The following DMD variants were observed in gnomAD, a reference collection of about 807,000 sequenced individuals.
DMD encodes mutant dystrophin.
In DMD, 63 loss-of-function variants were observed where a neutral mutation model predicts 330.1. The ratio of observed to expected loss-of-function variants is 0.19; its 90% confidence interval spans 0.16 to 0.24. DMD has a LOEUF of 0.24. Ranked by LOEUF, DMD falls within the 10% of genes least tolerant of loss-of-function variation. The pLI is 1.00. For synonymous variants in DMD, 1,223 were observed against 959.8 expected, an observed-to-expected ratio of 1.27 and a Z score of -5.07; for missense variants, 3,344 against 2,684.1, an observed-to-expected ratio of 1.25 and a Z score of -5.43.
At chrX:32,498,118 T>C (rs973881246) in intron 19 of DMD, among the ~76,000 whole-genome samples, 2 of 111,360 alleles carry the variant, frequency 1.8e-5, no homozygotes, top group African/African-American at 3.3e-5. Context: ...ACTAGATACC[T>C]GGTCTAGCCT....
At chrX:31,564,241 T>C (rs975542442) in intron 55 of DMD, among the ~76,000 whole-genome samples, 7 of 111,901 alleles carry the variant, frequency 6.3e-5, no homozygotes, top group African/African-American at 1.9e-4. Flanking sequence ...GTCATCCAGT[T>C]TGTGGTATTT....
intron 1 of DMD, among the ~76,000 whole-genome samples, chrX:33,120,711 T>C (rs112866880): frequency 1.3e-4 from 14 of 108,768 alleles, no homozygotes; most frequent in Non-Finnish European, 2.3e-4. Flanking sequence ...CGAAACCCCG[T>C]CTCTACTAAA....
At chrX:33,074,716 C>A (rs948955174) in intron 1 of DMD, among the ~76,000 whole-genome samples, 1 of 111,302 alleles carries the variant, frequency 9.0e-6, no homozygotes, top group Non-Finnish European at 1.9e-5. Context: ...GCCATTGGGA[C>A]CCTGTAGAGA....
At chrX:32,929,073 T>C (rs2089348155) in intron 2 of DMD, among the ~76,000 whole-genome samples, 1 of 111,211 alleles carries the variant, frequency 9.0e-6, no homozygotes, top group Non-Finnish European at 1.9e-5. Flanking sequence ...ATTTCAGATA[T>C]AGGAGCCTGG....
intron 15 of DMD, among the ~76,000 whole-genome samples, chrX:32,570,294 C>G (rs1047579042): frequency 1.8e-5 from 2 of 111,922 alleles, no homozygotes; most frequent in Non-Finnish European, 3.8e-5. Flanking sequence ...TTCTTATTCA[C>G]TGCCTGAGTC....
At chrX:31,424,445 G>C (rs1486640226) in intron 60 of DMD, among the ~76,000 whole-genome samples, 1 of 111,559 alleles carries the variant, frequency 9.0e-6, no homozygotes, top group African/African-American at 3.2e-5. Flanking sequence ...ATGGAATGAA[G>C]GGCTCAGCTA....
At chrX:31,862,937 G>A (rs947173607) in intron 48 of DMD, among the ~76,000 whole-genome samples, 3 of 112,888 alleles carry the variant, frequency 2.7e-5, no homozygotes, top group African/African-American at 6.4e-5. Context: ...CAGCAGTTAC[G>A]TCAGGCCAGG....
chrX:31,322,402 GAATTA>G (rs1382625771), intron 62 of DMD, among the ~76,000 whole-genome samples: 2 of 111,579 alleles, frequency 1.8e-5, no homozygotes, highest in African/African-American at 3.3e-5. Flanking sequence ...AGTGACTAAT[GAATTA>G]AATATAACAA....
chrX:32,676,350 T>A (rs966799052), intron 9 of DMD, among the ~76,000 whole-genome samples: 10 of 111,192 alleles, frequency 9.0e-5, no homozygotes, highest in African/African-American at 3.3e-4. Flanking sequence ...TCTTTCCTGC[T>A]TCCCAATCTA....
At chrX:32,958,241 G>A (rs991707816) in intron 2 of DMD, among the ~76,000 whole-genome samples, 1 of 111,498 alleles carries the variant, frequency 9.0e-6, no homozygotes, top group Non-Finnish European at 1.9e-5. Flanking sequence ...ATAACAAAGT[G>A]TATTAAAAAT....
intron 50 of DMD, among the ~76,000 whole-genome samples, chrX:31,815,660 G>A (rs2092606754): frequency 9.0e-6 from 1 of 111,391 alleles, no homozygotes; most frequent in South Asian, 3.8e-4. Context: ...TATAAATACG[G>A]TGACAATAAA....
intron 7 of DMD, among the ~76,000 whole-genome samples, chrX:32,709,581 G>C (rs1348331216): frequency 9.0e-6 from 1 of 110,994 alleles, no homozygotes; most frequent in East Asian, 2.9e-4. Flanking sequence ...GTCTTGTTTT[G>C]TTTTTGCATC....
rs1386275507 is a variant in DMD, at chrX:31,900,653, C to G, written c.6913-25280G>C. ...GAAAAGACACCCGAAAATGTGGAAG[C>G]GACTTTGGAAGTGCGTAACATGCAG... On this transcript the variant is annotated intron_variant, in intron 47 of 78. Coordinates refer to ENST00000357033, the MANE Select transcript of DMD (RefSeq NM_004006.3). Among the ~76,000 whole-genome samples, 4 of 111,318 alleles carry G rather than the reference C, an allele frequency of 3.6e-5. No homozygotes were observed. The South Asian group carries it at 1.5e-3, about 42-fold the overall frequency.
intron 55 of DMD, among the ~76,000 whole-genome samples, chrX:31,604,489 G>A (rs1909254002): frequency 9.0e-6 from 1 of 111,675 alleles, no homozygotes; most frequent in Non-Finnish European, 1.9e-5. Flanking sequence ...CACATTTAAT[G>A]AGCAAGTCGA....
At chrX:31,924,527 T>C (rs753314944) in intron 47 of DMD, among the ~76,000 whole-genome samples, 6 of 112,306 alleles carry the variant, frequency 5.3e-5, no homozygotes, top group African/African-American at 3.2e-5. Flanking sequence ...CAGCCAACTG[T>C]ATATTGTGGA....
chrX:32,222,017 C>A (rs913523226), intron 43 of DMD, among the ~76,000 whole-genome samples: 3 of 111,874 alleles, frequency 2.7e-5, no homozygotes, highest in Non-Finnish European at 5.6e-5. Flanking sequence ...GGTTCCATAT[C>A]TTTGCAACTG....
At chrX:31,705,158 T>C (rs942136081) in intron 52 of DMD, among the ~76,000 whole-genome samples, 30 of 112,279 alleles carry the variant, frequency 2.7e-4, no homozygotes, top group African/African-American at 9.0e-4. Flanking sequence ...ATGTTGCTAA[T>C]TGGAGAGTAG....
At chrX:31,617,225 G>T (rs1184663312) in intron 55 of DMD, among the ~76,000 whole-genome samples, 2 of 111,781 alleles carry the variant, frequency 1.8e-5, no homozygotes, top group Non-Finnish European at 3.8e-5. Flanking sequence ...AATGAAATCA[G>T]AAAAGAATGC....
chrX:32,202,316 A>G (rs995161245), intron 44 of DMD, among the ~76,000 whole-genome samples: 14 of 112,137 alleles, frequency 1.2e-4, no homozygotes, highest in South Asian at 3.7e-4. Context: ...CTTTATGATC[A>G]TAATAAATCC....
Sources: allele counts gnomAD v4.1 joint callset (sites outside exome capture counted in the v4.1 genomes callset), GRCh38; gene constraint gnomAD v4.1.1; transcripts MANE v1.5; gene names NCBI Gene and HGNC (gene_info 2026-07-23, HGNC 2026-07-21).